The following TAFA1 variants were observed in gnomAD, a reference collection of about 807,000 sequenced individuals.
TAFA1 encodes chemokine-like protein TAFA-1.
In TAFA1, 4 loss-of-function variants were observed where a neutral mutation model predicts 18.5. The ratio of observed to expected loss-of-function variants is 0.22; its 90% CI spans 0.11 to 0.49. TAFA1 has a LOEUF of 0.49. TAFA1 is among the 20% of genes least tolerant of loss of function. TAFA1 has a pLI of 0.98. For missense variants in TAFA1, 147 were observed against 169.0 expected, an observed-to-expected ratio of 0.87 and a Z score of 0.72; for synonymous variants, 56 against 55.2, an observed-to-expected ratio of 1.01 and a Z score of -0.06.
intron 2 of TAFA1, among the ~76,000 whole-genome samples, chr3:68,133,297 G>A (rs1177475574): frequency 6.6e-6 from 1 of 152,152 alleles, no homozygotes; most frequent in Non-Finnish European, 1.5e-5. Context: ...AAGTCAGGTA[G>A]CATGATGCTT....
In TAFA1 at chr3:68,310,728, C is replaced by G. The variant is rs181564015; in HGVS notation, c.119-106552C>G. On this transcript the variant is annotated intron_variant, in intron 2 of 4. Coordinates refer to ENST00000478136, the MANE Select transcript of TAFA1 (RefSeq NM_213609.4). ...GCTGTTTATATTTGAAATAATCATG[C>G]TGTTTATATTTGAAATGAGTCTAAT... 8.0e-3 allele frequency among the ~76,000 whole-genome samples: 1,210 copies of G among 152,014 alleles called. 7 individuals carry two copies. Among genetic ancestry groups the G allele is most frequent in the Middle Eastern group, 0.02 (6 of 294 alleles).
At chr3:68,519,031 A>G (rs1387279332) in intron 3 of TAFA1, among the ~76,000 whole-genome samples, 1 of 152,250 alleles carries the variant, frequency 6.6e-6, no homozygotes, top group East Asian at 1.9e-4. Context: ...ATTCGTTTAT[A>G]TATATCAAGG....
chr3:68,295,427 A>G (rs1191944974), intron 2 of TAFA1, among the ~76,000 whole-genome samples: 1 of 151,432 alleles, frequency 6.6e-6, no homozygotes, highest in Non-Finnish European at 1.5e-5. Context: ...TAAAAAAAAA[A>G]GACTTTTTAA....
At chr3:68,093,544 T>A (rs1482121070) in intron 2 of TAFA1, among the ~76,000 whole-genome samples, 1 of 152,090 alleles carries the variant, frequency 6.6e-6, no homozygotes, top group Admixed American at 6.6e-5. Context: ...TCCCAATCTT[T>A]GCAGCACTGT....
chr3:68,531,618 A>G (rs2106775056), intron 3 of TAFA1, among the ~76,000 whole-genome samples: 1 of 152,090 alleles, frequency 6.6e-6, no homozygotes, highest in African/African-American at 2.4e-5. Context: ...AAACTCCATC[A>G]TTTTGCTTCT....
intron 2 of TAFA1, among the ~76,000 whole-genome samples, chr3:68,246,522 G>A (rs1017964921): frequency 7.0e-6 from 1 of 143,858 alleles, no homozygotes. Flanking sequence ...CCCGGGAGGC[G>A]GAGCTTGCAG....
chr3:68,452,926 AG>A lies in TAFA1; in HGVS notation c.259+35509del, dbSNP rs1226071168. On this transcript the variant is annotated intron_variant, in intron 3 of 4. Transcript: ENST00000478136. ...CAATCGATTCTGAATATCCCTGAAG[AG>A]GGAATTGTAAATGTTGAAAACTGTA... 2.0e-5 allele frequency among the ~76,000 whole-genome samples: 3 copies of A among 152,278 alleles called. No homozygotes were observed. The East Asian group carries it at 5.8e-4, about 29-fold the overall frequency.
chr3:68,413,953 C>G (rs916250945), intron 2 of TAFA1, among the ~76,000 whole-genome samples: 11 of 152,024 alleles, frequency 7.2e-5, no homozygotes, highest in African/African-American at 2.7e-4. Flanking sequence ...CTGGGGTGCT[C>G]ATGCAGTAAC....
chr3:68,203,273 AT>A (rs1166143546), intron 2 of TAFA1, among the ~76,000 whole-genome samples: 3 of 151,366 alleles, frequency 2.0e-5, no homozygotes, highest in African/African-American at 2.4e-5. Context: ...AGGTGTAGGC[AT>A]TTTTTTCTTT....
chr3:68,073,155 C>A (rs2064778271), intron 2 of TAFA1, among the ~76,000 whole-genome samples: 1 of 152,188 alleles, frequency 6.6e-6, no homozygotes, highest in South Asian at 2.1e-4. Flanking sequence ...GCAGAAGAGA[C>A]CTCCTTTGAG....
At chr3:68,329,302 G>A (rs968773613) in intron 2 of TAFA1, among the ~76,000 whole-genome samples, 3 of 144,634 alleles carry the variant, frequency 2.1e-5, no homozygotes, top group Non-Finnish European at 3.0e-5. Context: ...TACTGACCTC[G>A]TGATCCACCT....
At chr3:68,132,525 C>A (rs1424059534) in intron 2 of TAFA1, among the ~76,000 whole-genome samples, 5 of 152,188 alleles carry the variant, frequency 3.3e-5, no homozygotes, top group Admixed American at 2.0e-4. Context: ...TCTCCACATC[C>A]TCTCCAGCAT....
At chr3:68,045,301 C>CA (rs990452537) in intron 2 of TAFA1, among the ~76,000 whole-genome samples, 2 of 151,482 alleles carry the variant, frequency 1.3e-5, no homozygotes, top group African/African-American at 4.8e-5. Flanking sequence ...ATCCATTGAC[C>CA]AAAAAAAAGT....
intron 2 of TAFA1, among the ~76,000 whole-genome samples, chr3:68,306,630 G>T (rs2068427689): frequency 6.6e-6 from 1 of 152,104 alleles, no homozygotes; most frequent in Non-Finnish European, 1.5e-5. Flanking sequence ...GATGGATCTG[G>T]ATCTCCGAGG....
intron 2 of TAFA1, among the ~76,000 whole-genome samples, chr3:68,355,521 T>G (rs778745028): frequency 6.6e-6 from 1 of 151,950 alleles, no homozygotes; most frequent in South Asian, 2.1e-4. Context: ...ATGTAGTGAG[T>G]GCTTAGTGCA....
At chr3:68,234,477 G>A (rs776181156) in intron 2 of TAFA1, among the ~76,000 whole-genome samples, 1 of 152,192 alleles carries the variant, frequency 6.6e-6, no homozygotes. Context: ...ACCCGAAGGA[G>A]AGTATTTAGG....
intron 2 of TAFA1, among the ~76,000 whole-genome samples, chr3:68,129,631 T>A (rs2065513179): frequency 6.6e-6 from 1 of 152,246 alleles, no homozygotes; most frequent in African/African-American, 2.4e-5. Context: ...CATGGATAAT[T>A]ATACGTTACA....
At position 68,370,470 on chromosome 3, in the gene TAFA1, GTGTATATATATATATATATATA is replaced by G. The variant is rs1187076749; in HGVS notation, c.119-46808_119-46787del. ...TGTATATATATGTGTGTGTGTGTGT[GTGTATATATATATATATATATA>G]TATATATATATATATATATATATAC... On this transcript the variant is annotated intron_variant, in intron 2 of 4. Coordinates refer to ENST00000478136, the MANE Select transcript of TAFA1 (RefSeq NM_213609.4). Among the ~76,000 whole-genome samples the G allele has an allele frequency of 1.6e-4, 5 of 31,160 alleles. No homozygotes were observed. In the East Asian group the frequency reaches 2.9e-3, roughly 18 times the overall value. 20.4% of individuals were successfully genotyped at this position (31,160 alleles called of 152,430 possible). A position where few individuals can be genotyped will look rare whatever the true frequency, so the allele number is the denominator to read the frequency against.
chr3:68,122,548 C>G lies in TAFA1; in HGVS notation c.118+115804C>G, dbSNP rs560946545. Among the ~76,000 whole-genome samples the G allele has an allele frequency of 1.4e-4, 21 of 152,102 alleles. 1 individual carries two copies. Among genetic ancestry groups the G allele is most frequent in the African/African-American group, 4.3e-4 (18 of 41,486 alleles). ...ATCCACATGACAGGAACACTTAATC[C>G]TGTATCAGGAGAGAAAATGAGTTAA... On this transcript the variant is annotated intron_variant, in intron 2 of 4. Coordinates refer to ENST00000478136, the MANE Select transcript of TAFA1 (RefSeq NM_213609.4).
Sources: gnomAD v4.1 joint callset for allele counts (sites outside exome capture counted in the v4.1 genomes callset) on GRCh38, gnomAD v4.1.1 for gene constraint, MANE v1.5 for transcripts, NCBI Gene and HGNC (gene_info 2026-07-23, HGNC 2026-07-21) for gene names.